GPANK1: variants seen among roughly 807,000 people sequenced by gnomAD.
GPANK1 encodes G-patch domain and ankyrin repeats 1.
In GPANK1, 22 loss-of-function variants were observed where a neutral mutation model predicts 24.0. That is an observed-to-expected ratio of 0.92 (90% CI 0.66 to 1.31). GPANK1 has a LOEUF of 1.31. Ranked by LOEUF, GPANK1 falls within the 50% of genes most tolerant of loss-of-function variation. The probability of loss-of-function intolerance (pLI) is 0.00; values close to 1 mark genes in which losing one functional copy is unlikely to be tolerated. For missense variants in GPANK1, 469 were observed against 453.5 expected, an observed-to-expected ratio of 1.03 and a Z score of -0.31; for synonymous variants, 174 against 177.4, an observed-to-expected ratio of 0.98 and a Z score of 0.15.
chr6:31,664,193 T>C lies in GPANK1; in HGVS notation c.286A>G (p.Arg96Gly). The stretch of plus-strand genomic sequence containing the variant: ...ATCTTATCCTCAGCCTCAAGGGATC[T>C]CCCTTGTCCATGTCTTCCTGATGCT... ...EGASGRHGQG[R>G]SLEAEDKMTH... Residue 96 changes from arginine (R) to glycine (G), a missense_variant, in exon 2 of 3, where the codon AGA becomes GGA. Arg to Gly is a moderately radical substitution (Grantham distance 125, BLOSUM62 -2). Coordinates refer to ENST00000375896, the MANE Select transcript of GPANK1 (RefSeq NM_033177.4). The C allele has an allele frequency of 6.2e-7, 1 of 1,614,264 alleles. No individual in the cohort carries two copies. Among genetic ancestry groups the C allele is most frequent in the Non-Finnish European group, 8.5e-7 (1 of 1,180,032 alleles).
upstream of GPANK1, chr6:31,666,132 G>C: frequency 1.0e-6 from 1 of 993,326 alleles, no homozygotes; most frequent in Non-Finnish European, 1.2e-6. Context: ...TCCGCGGCCT[G>C]CGCTGTAGCG....
upstream of GPANK1, chr6:31,665,969 G>GCTTTCTCTCATTTAGCCAGTTT (rs1801631579): frequency 9.8e-7 from 1 of 1,023,128 alleles, no homozygotes; most frequent in African/African-American, 1.7e-5. Flanking sequence ...TTGGTAGTTC[G>GCTTTCTCTCATTTAGCCAGTTT]CTTTCTCTCA....
At chr6:31,665,472 A>G, upstream of GPANK1, 1 of 1,569,410 alleles carries the variant, frequency 6.4e-7, no homozygotes, top group South Asian at 1.2e-5. Context: ...AGGGACGAGC[A>G]GAATGGCTGG....
At chr6:31,666,090 C>G (rs980930391), upstream of GPANK1, 1 of 992,764 alleles carries the variant, frequency 1.0e-6, no homozygotes, top group Non-Finnish European at 1.2e-6. Context: ...AATTTCCACT[C>G]CCCCCACCCC....
At position 31,662,822 on chromosome 6, in the gene GPANK1, G is replaced by A. The variant is rs1801067516; in HGVS notation, c.627-112C>T. 1.5e-6 allele frequency: 1 copy of A among 654,544 alleles called. No individual in the cohort carries two copies. The highest frequency in any genetic ancestry group is 3.0e-5 in the East Asian group (1 of 33,770). 40.5% of individuals were successfully genotyped at this position (654,544 alleles called of 1,614,324 possible). A position where few individuals can be genotyped will look rare whatever the true frequency, so the allele number is the denominator to read the frequency against. On this transcript the variant is annotated intron_variant, in intron 2 of 2. Transcript: ENST00000375896. The surrounding 1 kb of genome is among the most constrained non-coding windows in gnomAD (Gnocchi z 5.5). ...AGGATCTTTTCAGCTTTTCTGCTAA[G>A]GAACAAATTGCCAGCTAGGCATAGT...
In GPANK1 at chr6:31,662,527, T is replaced by C. The variant is rs745734432; in HGVS notation, c.810A>G (p.Pro270=). The change falls in exon 3 of 3, where the codon CCA becomes CCG. Residue 270 remains proline (P), a synonymous_variant. Coordinates refer to ENST00000375896, the MANE Select transcript of GPANK1 (RefSeq NM_033177.4). This position sits in a 1 kb window ranked among gnomAD's most constrained non-coding sequence, Gnocchi z 5.5. ...CACCCCGGGGTCCCAGCCCCATTCC[T>C]GGCTCCCAGCCCCCCCTCAGCAGCA... ...FKLLLRGGWE[P]GMGLGPRGEG... 1.2e-6 allele frequency: 2 copies of C among 1,612,850 alleles called. No homozygotes were observed. The highest frequency in any genetic ancestry group is 2.2e-5 in the South Asian group (2 of 91,062).
At chr6:31,664,753 G>T in intron 1 of GPANK1, 88 bp downstream of exon 1, 1 of 466,710 alleles carries the variant, frequency 2.1e-6, no homozygotes, top group Non-Finnish European at 3.8e-6. Flanking sequence ...GTTGTCCAGA[G>T]GTCCTGCGTC....
At position 31,662,793 on chromosome 6, in the gene GPANK1, G is replaced by A; in HGVS notation, c.627-83C>T. 1 of 849,046 alleles carries A rather than the reference G, an allele frequency of 1.2e-6. No individual in the cohort carries two copies. Among genetic ancestry groups the A allele is most frequent in the Non-Finnish European group, 1.8e-6 (1 of 546,640 alleles). The allele number at this position is 849,046 out of a possible 1,614,324, so 52.6% of individuals were successfully genotyped here. On this transcript the variant is annotated intron_variant, in intron 2 of 2. Transcript: ENST00000375896. This position sits in a 1 kb window ranked among gnomAD's most constrained non-coding sequence, Gnocchi z 5.5. ...GGCCTCAGAGGGGGCTGGCAGGGTA[G>A]AATAGGATCTTTTCAGCTTTTCTGC...
chr6:31,664,303 C>G lies in GPANK1; in HGVS notation c.176G>C (p.Arg59Thr). The change falls in exon 2 of 3, where the codon AGA becomes ACA. Residue 59 changes from arginine to threonine, a missense_variant. Physicochemically the swap from Arg to Thr is moderately conservative, Grantham distance 71. Coordinates refer to ENST00000375896, the MANE Select transcript of GPANK1 (RefSeq NM_033177.4). ...GDESSAPDSQ[R>T]SQTEPARERK... is the part of the protein sequence containing the mutation. ...TTCTCTGGCAGGTTCAGTCTGAGAT[C>G]TCTGGGAGTCAGGAGCGCTGCTCTC... 1 of 1,614,212 alleles carries G rather than the reference C, an allele frequency of 6.2e-7. No individual in the cohort carries two copies. The highest frequency in any genetic ancestry group is 8.5e-7 in the Non-Finnish European group (1 of 1,180,038).
chr6:31,663,201 T>C (rs1195739940), intron 2 of GPANK1: 2 of 119,292 alleles, frequency 1.7e-5, no homozygotes, highest in Non-Finnish European at 3.2e-5. Flanking sequence ...GGCGACAGAG[T>C]GAGATGAGTG....
chr6:31,665,706 G>A (rs1262096950), upstream of GPANK1: 10 of 806,630 alleles, frequency 1.2e-5, no homozygotes, highest in Non-Finnish European at 1.9e-5. Flanking sequence ...CCAGTCCCCT[G>A]GGCAGCAGCG....
rs1254509925 is a variant in GPANK1 at position 31,661,436 on chromosome 6, C to T, written c.*830G>A. The T allele has an allele frequency of 1.3e-5, 2 of 152,362 alleles. No individual in the cohort carries two copies. The highest frequency in any genetic ancestry group is 2.0e-4 in the South Asian group (1 of 4,902). 9.4% of individuals were successfully genotyped at this position (152,362 alleles called of 1,614,324 possible). A position where few individuals can be genotyped will look rare whatever the true frequency, so the allele number is the denominator to read the frequency against. On this transcript the variant is annotated 3_prime_UTR_variant, in exon 3 of 3. Transcript: ENST00000375896. ...ATAACATGGGCCGGGAGTGGTGGCT[C>T]ATGCCTGCAACCCCAGCACTTTGGG...
chr6:31,664,047 C>T lies in GPANK1; in HGVS notation c.432G>A (p.Trp144Ter). The T allele has an allele frequency of 6.2e-7, 1 of 1,614,192 alleles. No individual in the cohort carries two copies. Among genetic ancestry groups the T allele is most frequent in the Non-Finnish European group, 8.5e-7 (1 of 1,180,032 alleles). ...GNINARDAFW[W>*]TPLMCAARAG... ...CTCGAGCAGCACACATCAGTGGGGT[C>T]CACCAGAAGGCATCCCGGGCGTTGA... Residue 144 changes from tryptophan to a stop codon, truncating the protein, a stop_gained, in exon 2 of 3, where the codon TGG becomes TGA. Transcript: ENST00000375896. LOFTEE classifies it high-confidence loss of function.
In GPANK1 at chr6:31,661,837, G is replaced by T. The variant is rs1214979089; in HGVS notation, c.*429C>A. 3 of 185,862 alleles carry T rather than the reference G, an allele frequency of 1.6e-5. No homozygotes were observed. The highest frequency in any genetic ancestry group is 3.3e-5 in the Non-Finnish European group (3 of 91,064). 11.5% of individuals were successfully genotyped at this position (185,862 alleles called of 1,614,324 possible). A position where few individuals can be genotyped will look rare whatever the true frequency, so the allele number is the denominator to read the frequency against. On this transcript the variant is annotated 3_prime_UTR_variant, in exon 3 of 3. Transcript: ENST00000375896. ...TGTTTGTGAAATCAGTGAATTGGCT[G>T]TAGTCAGGGAACTCCTCCTGGGGGA...
At chr6:31,665,502 A>G, upstream of GPANK1, 2 of 1,560,466 alleles carry the variant, frequency 1.3e-6, no homozygotes, top group Non-Finnish European at 1.7e-6. Flanking sequence ...AGGTTAGCGC[A>G]CTGGGACGTT....
At position 31,662,309 on chromosome 6, in the gene GPANK1, G is replaced by GC; in HGVS notation, c.1027dup (p.Ala343GlyfsTer38). 1 of 1,586,112 alleles carries GC rather than the reference G, an allele frequency of 6.3e-7. No homozygotes were observed. The highest frequency in any genetic ancestry group is 8.6e-7 in the Non-Finnish European group (1 of 1,163,810). ...GTAAGTCCTTAGATCCCGCTCCCAA[G>GC]CCCTGTCTTTCTCCTCCCTCCTTCT... is the stretch of plus-strand genomic sequence containing the variant. On this transcript the variant is annotated frameshift_variant, in exon 3 of 3. Coordinates refer to ENST00000375896, the MANE Select transcript of GPANK1 (RefSeq NM_033177.4). LOFTEE classifies it high-confidence loss of function. The surrounding 1 kb of genome is among the most constrained non-coding windows in gnomAD (Gnocchi z 5.5).
chr6:31,664,081 C>T lies in GPANK1; in HGVS notation c.398G>A (p.Gly133Glu), dbSNP rs780368460. 4 of 1,614,100 alleles carry T rather than the reference C, an allele frequency of 2.5e-6. No individual in the cohort carries two copies. The highest frequency in any genetic ancestry group is 3.4e-6 in the Non-Finnish European group (4 of 1,180,038). Residue 133 changes from glycine (G) to glutamate (E), a missense_variant, in exon 2 of 3, where the codon GGG (glycine) becomes GAG (glutamate). Coordinates refer to ENST00000375896, the MANE Select transcript of GPANK1 (RefSeq NM_033177.4). ...GGCATCCCGGGCGTTGATATTCCCCCCAGCTCCTCCTGCCTCATGCGGTTC... is the reference window on the plus strand; with the variant it reads ...GGCATCCCGGGCGTTGATATTCCCCTCAGCTCCTCCTGCCTCATGCGGTTC... Reference protein sequence around the residue: ...LLEPHEAGGAGGNINARDAFW... With the variant: ...LLEPHEAGGAEGNINARDAFW...
Position 31,664,540 on chromosome 6 carries a change from GC to G in GPANK1, c.-63del. The G allele has an allele frequency of 7.3e-7, 1 of 1,370,330 alleles. No homozygotes were observed. The highest frequency in any genetic ancestry group is 1.0e-6 in the Non-Finnish European group (1 of 984,234). 84.9% of individuals were successfully genotyped at this position (1,370,330 alleles called of 1,614,324 possible). A position where few individuals can be genotyped will look rare whatever the true frequency, so the allele number is the denominator to read the frequency against. On this transcript the variant is annotated 5_prime_UTR_variant, in exon 2 of 3. Coordinates refer to ENST00000375896, the MANE Select transcript of GPANK1 (RefSeq NM_033177.4). ...GGGAAGGATGAGACAAGTAAGCCAA[GC>G]TCGTGGTGACCCTGTAGCAACCACA...
chr6:31,665,669 G>A (rs1472152017), upstream of GPANK1: 5 of 828,088 alleles, frequency 6.0e-6, no homozygotes, highest in South Asian at 4.9e-5. Flanking sequence ...CAGGCAATAA[G>A]GACCCAGCGG....
Sources: gnomAD v4.1 joint callset for allele counts on GRCh38, gnomAD v4.1.1 for gene constraint, Gnocchi (gnomAD v3.1) non-coding constraint, MANE v1.5 for transcripts, NCBI Gene and HGNC (gene_info 2026-07-23, HGNC 2026-07-21) for gene names.